Variants in FAM20A observed in about 807,000 individuals in gnomAD.
FAM20A encodes pseudokinase FAM20A.
In FAM20A, 42 loss-of-function variants were observed where a neutral mutation model predicts 52.0. The ratio of observed to expected loss-of-function variants is 0.81; its 90% confidence interval spans 0.63 to 1.04. The LOEUF (loss-of-function observed/expected upper bound fraction) is 1.04, where lower values mean the gene tolerates loss of function less well. Among genes scored for constraint, FAM20A ranks in the 50% least tolerant of loss-of-function variants. The pLI, the probability that FAM20A is intolerant of heterozygous loss-of-function variation, is 0.00. For synonymous variants in FAM20A, 304 were observed against 298.9 expected, an observed-to-expected ratio of 1.02 and a Z score of -0.18; for missense variants, 742 against 712.7, an observed-to-expected ratio of 1.04 and a Z score of -0.47.
intron 10 of FAM20A, 53 bp downstream of exon 10, chr17:68,539,284 A>G (rs2086189155): frequency 1.9e-6 from 3 of 1,591,216 alleles, no homozygotes; most frequent in Non-Finnish European, 2.6e-6. Context: ...TGCAAGCAGC[A>G]TGAAGGGTCA....
chr17:68,558,457 A>C (rs2087117146), intron 1 of FAM20A: 1 of 297,018 alleles, frequency 3.4e-6, no homozygotes, highest in African/African-American at 2.2e-5. Context: ...ATGGCTTAGC[A>C]CCGTCTCCTT....
intron 1 of FAM20A, among the ~76,000 whole-genome samples, chr17:68,576,744 A>G (rs762864240): frequency 9.2e-5 from 14 of 152,212 alleles, no homozygotes; most frequent in Non-Finnish European, 1.9e-4. Context: ...ATTAGGAATC[A>G]AAATATGATT....
intron 1 of FAM20A, among the ~76,000 whole-genome samples, chr17:68,571,948 ATGTGTGTGTG>A (rs1271843375): frequency 7.1e-6 from 1 of 140,252 alleles, no homozygotes; most frequent in South Asian, 2.9e-4. Context: ...AAATATATAT[ATGTGTGTGTG>A]TGTATATATA....
chr17:68,548,069 T>C (rs145708174), intron 4 of FAM20A, among the ~76,000 whole-genome samples: 117 of 152,150 alleles, frequency 7.7e-4, no homozygotes, highest in African/African-American at 2.5e-3. Context: ...CTGGGAGAGA[T>C]TGGGGGAACA....
intron 1 of FAM20A, among the ~76,000 whole-genome samples, chr17:68,572,291 G>C (rs1363717288): frequency 5.3e-5 from 8 of 151,872 alleles, no homozygotes; most frequent in Admixed American, 1.3e-4. Context: ...CACCCACAGG[G>C]GAAGTGAGGG....
At position 68,600,219 on chromosome 17, in the gene FAM20A, C is replaced by G. The variant is rs2088575033; in HGVS notation, c.404+44G>C. 2 of 1,544,100 alleles carry G rather than the reference C, an allele frequency of 1.3e-6. No homozygotes were observed. Among genetic ancestry groups the G allele is most frequent in the Non-Finnish European group, 1.7e-6 (2 of 1,144,718 alleles). On this transcript the variant is annotated intron_variant, in intron 1 of 10. Transcript: ENST00000592554. This position sits in a 1 kb window ranked among gnomAD's most constrained non-coding sequence, Gnocchi z 6.2. ...TCGAGACTGGGGCGCGGGGAGGCCC[C>G]GGCCAGAGCGCCCGCTCTCCCGCGT... is the stretch of plus-strand genomic sequence containing the variant.
rs771912912 is a variant in FAM20A at position 68,540,899 on chromosome 17, C to T, written c.1169G>A (p.Ser390Asn). 14 of 1,605,574 alleles carry T rather than the reference C, an allele frequency of 8.7e-6. No individual in the cohort carries two copies. The highest frequency in any genetic ancestry group is 1.3e-5 in the African/African-American group (1 of 74,938). Residue 390 changes from serine (S) to asparagine (N), a missense_variant, in exon 8 of 11, where the codon AGC becomes AAC. By Grantham distance (46) the Ser-to-Asn change is conservative. Coordinates refer to ENST00000592554, the MANE Select transcript of FAM20A (RefSeq NM_017565.4). ...GTCGATGACATTGAGGAGCCGCTGG[C>T]TGTTGTTGTACGGGTAGATCTGTTT... ...TVKQIYPYNNSQRLLNVIDMA... is the reference protein window; with the variant it reads ...TVKQIYPYNNNQRLLNVIDMA...
chr17:68,548,203 G>A (rs536056004), intron 4 of FAM20A, among the ~76,000 whole-genome samples: 285 of 152,254 alleles, frequency 1.9e-3, no homozygotes, highest in African/African-American at 6.6e-3. Flanking sequence ...AGACCAGCCT[G>A]GCCAACACAG....
intron 4 of FAM20A, among the ~76,000 whole-genome samples, chr17:68,546,753 C>A (rs896777677): frequency 6.6e-6 from 1 of 151,316 alleles, no homozygotes; most frequent in Non-Finnish European, 1.5e-5. Context: ...TGGCGTGAAC[C>A]CGGGAGGTGG....
intron 3 of FAM20A, among the ~76,000 whole-genome samples, chr17:68,553,889 T>TACACATATGCATATATACATATATAC (rs2086954145): frequency 1.6e-5 from 2 of 128,264 alleles, no homozygotes; most frequent in Non-Finnish European, 3.5e-5. Flanking sequence ...TATACCTATA[T>TACACATATGCATATATACATATATAC]ACACATATAT....
In FAM20A at chr17:68,535,437, G is replaced by T; in HGVS notation, c.*2040C>A. ...GTAGAGCTGTAGCCTGCTTTCCTGA[G>T]AGTCTTATTTGGAAGTCCCAAACCA... On this transcript the variant is annotated 3_prime_UTR_variant, in exon 11 of 11. Coordinates refer to ENST00000592554, the MANE Select transcript of FAM20A (RefSeq NM_017565.4). 2.2e-6 allele frequency: 1 copy of T among 454,048 alleles called. No homozygotes were observed. The highest frequency in any genetic ancestry group is 4.4e-6 in the Non-Finnish European group (1 of 226,792). The allele number at this position is 454,048 out of a possible 1,614,324, so 28.1% of individuals were successfully genotyped here.
Position 68,549,232 on chromosome 17 carries a change from C to T in FAM20A, c.719+2641G>A, listed in dbSNP as rs138072241. ...GCATCCGGCCAGGTGCATTGGCTCA[C>T]GCCTGGAATCCCAGCACATTGGGAG... is the stretch of plus-strand genomic sequence containing the variant. On this transcript the variant is annotated intron_variant, in intron 4 of 10. Transcript: ENST00000592554. 1.9e-3 allele frequency among the ~76,000 whole-genome samples: 283 copies of T among 152,286 alleles called. 2 individuals carry two copies. The highest frequency in any genetic ancestry group is 4.2e-3 in the Admixed American group (64 of 15,294).
chr17:68,543,242 G>T (rs2086389589), intron 5 of FAM20A, among the ~76,000 whole-genome samples: 1 of 152,076 alleles, frequency 6.6e-6, no homozygotes, highest in African/African-American at 2.4e-5. Flanking sequence ...GGGTAGCAAT[G>T]ACTGAGCAAA....
At chr17:68,569,260 G>A (rs1020902537) in intron 1 of FAM20A, among the ~76,000 whole-genome samples, 3 of 151,970 alleles carry the variant, frequency 2.0e-5, no homozygotes, top group South Asian at 4.2e-4. Flanking sequence ...CTGCATCACC[G>A]AATTGTGTAG....
chr17:68,578,838 CAAAAAAAAAAAAAAA>C lies in FAM20A; in HGVS notation c.404+21410_404+21424del, dbSNP rs5821664. ...GAAACCCTGTCTCTACTAAAAATAC[CAAAAAAAAAAAAAAA>C]AAAAAAAAAAAAATTACTGGGCGTG... On this transcript the variant is annotated intron_variant, in intron 1 of 10. Transcript: ENST00000592554. Among the ~76,000 whole-genome samples, 7 of 36,058 alleles carry C rather than the reference CAAAAAAAAAAAAAAA, an allele frequency of 1.9e-4. 1 individual carries two copies. Among genetic ancestry groups the C allele is most frequent in the African/African-American group, 8.4e-4 (7 of 8,294 alleles). 23.7% of individuals were successfully genotyped at this position (36,058 alleles called of 152,430 possible).
intron 1 of FAM20A, among the ~76,000 whole-genome samples, chr17:68,565,907 C>T (rs929751558): frequency 6.6e-6 from 1 of 152,154 alleles, no homozygotes; most frequent in Non-Finnish European, 1.5e-5. Flanking sequence ...CCTTGTTGTC[C>T]GTGGACTCTC....
At chr17:68,565,547 C>T (rs115951106) in intron 1 of FAM20A, among the ~76,000 whole-genome samples, 4 of 151,796 alleles carry the variant, frequency 2.6e-5, no homozygotes, top group Non-Finnish European at 5.9e-5. Flanking sequence ...GTGTGTGCCA[C>T]CAAGCATAGC....
At chr17:68,549,039 A>G (rs2086710339) in intron 4 of FAM20A, among the ~76,000 whole-genome samples, 5 of 151,920 alleles carry the variant, frequency 3.3e-5, no homozygotes, top group Admixed American at 3.3e-4. Context: ...GCCTGCCTGT[A>G]TTTGTTTTAA....
chr17:68,542,884 G>A lies in FAM20A; in HGVS notation c.813-75C>T, dbSNP rs1288303574. 5.2e-6 allele frequency: 6 copies of A among 1,143,192 alleles called. No homozygotes were observed. The African/African-American group carries it at 6.1e-5, about 12-fold the overall frequency. 70.8% of individuals were successfully genotyped at this position (1,143,192 alleles called of 1,614,324 possible). ...GAGGAGGGGTTTTGTCCCCCGGCCA[G>A]TGCACATTAGGAATTGGCTGGTGTA... is the stretch of plus-strand genomic sequence containing the variant. On this transcript the variant is annotated intron_variant, in intron 5 of 10. Coordinates refer to ENST00000592554, the MANE Select transcript of FAM20A (RefSeq NM_017565.4).
Sources: allele counts gnomAD v4.1 joint callset (sites outside exome capture counted in the v4.1 genomes callset), GRCh38; gene constraint gnomAD v4.1.1; non-coding constraint Gnocchi (gnomAD v3.1); transcripts MANE v1.5; gene names NCBI Gene and HGNC (gene_info 2026-07-23, HGNC 2026-07-21).